The following FMNL2 variants were observed in gnomAD, a reference collection of about 807,000 sequenced individuals.
FMNL2 encodes the protein formin-like protein 2.
In FMNL2, 51 loss-of-function variants were observed where a neutral mutation model predicts 130.2. The ratio of observed to expected loss-of-function variants is 0.39; its 90% CI spans 0.31 to 0.49. The LOEUF is 0.49. Ranked by LOEUF, FMNL2 falls within the 20% of genes least tolerant of loss-of-function variation. The pLI, the probability that FMNL2 is intolerant of heterozygous loss-of-function variation, is 0.85. For missense variants in FMNL2, 977 were observed against 1,316.2 expected (o/e 0.74, Z 3.99); for synonymous variants, 465 against 467.1 (o/e 1.00, Z 0.06).
chr2:152,451,867 G>C (rs1019652129), intron 1 of FMNL2, among the ~76,000 whole-genome samples: 1 of 152,160 alleles, frequency 6.6e-6, no homozygotes, highest in African/African-American at 2.4e-5. Context: ...GCCTAGGCCT[G>C]TGTGGGGTAA....
intron 1 of FMNL2, among the ~76,000 whole-genome samples, chr2:152,471,282 G>T (rs1689846214): frequency 6.6e-6 from 1 of 152,096 alleles, no homozygotes; most frequent in Non-Finnish European, 1.5e-5. Flanking sequence ...AGGTAATTTG[G>T]GACCACGTTT....
intron 1 of FMNL2, among the ~76,000 whole-genome samples, chr2:152,410,402 A>G (rs1686216481): frequency 6.6e-6 from 1 of 152,222 alleles, no homozygotes; most frequent in South Asian, 2.1e-4. Context: ...GGGAAGGACT[A>G]CATTTATTCT....
chr2:152,571,605 A>G (rs1235655891), intron 6 of FMNL2, among the ~76,000 whole-genome samples: 1 of 152,220 alleles, frequency 6.6e-6, no homozygotes, highest in Non-Finnish European at 1.5e-5. Context: ...CATGCCTCCT[A>G]CTGAGTCACT....
intron 1 of FMNL2, among the ~76,000 whole-genome samples, chr2:152,504,553 G>A (rs1692046736): frequency 6.6e-6 from 1 of 152,106 alleles, no homozygotes; most frequent in South Asian, 2.1e-4. Context: ...CCGCAGGGAG[G>A]CTTCTTAAAA....
chr2:152,524,016 T>C (rs1693249638), intron 2 of FMNL2, among the ~76,000 whole-genome samples: 1 of 152,206 alleles, frequency 6.6e-6, no homozygotes, highest in Non-Finnish European at 1.5e-5. Context: ...AGAAGTTTGC[T>C]GTTTCCATAT....
At chr2:152,501,011 G>A (rs1391822965) in intron 1 of FMNL2, among the ~76,000 whole-genome samples, 2 of 152,252 alleles carry the variant, frequency 1.3e-5, no homozygotes, top group African/African-American at 4.8e-5. Flanking sequence ...TGGCAAGGCA[G>A]GCCGGTGCTG....
chr2:152,390,124 A>G, intron 1 of FMNL2: 1 of 1,322,510 alleles, frequency 7.6e-7, no homozygotes. Flanking sequence ...CTGAAGCCCA[A>G]CCTAGGCAAC....
In FMNL2 at chr2:152,582,757, T is replaced by C. The variant is rs189959911; in HGVS notation, c.876+1708T>C. 9.8e-5 allele frequency among the ~76,000 whole-genome samples: 15 copies of C among 152,318 alleles called. No individual in the cohort carries two copies. In the East Asian group the frequency reaches 2.3e-3, roughly 23 times the overall value. ...AGAGAAACAGTATGTGCAGCTCATA[T>C]AACGCCCAAATCTTTATCATTAGGT... On this transcript the variant is annotated intron_variant, in intron 9 of 25. Transcript: ENST00000288670.
chr2:152,558,650 T>G, intron 4 of FMNL2, 90 bp from the exon 5 acceptor site: 1 of 1,205,756 alleles, frequency 8.3e-7, no homozygotes, highest in Non-Finnish European at 1.2e-6. Context: ...AAGTTTCTGG[T>G]GGAAAAAACA....
rs1304218102 is a variant in FMNL2, at chr2:152,560,915, A to T, written c.476A>T (p.Glu159Val). 1.2e-6 allele frequency: 2 copies of T among 1,612,638 alleles called. No homozygotes were observed. The highest frequency in any genetic ancestry group is 1.7e-6 in the Non-Finnish European group (2 of 1,179,436). The change falls in exon 6 of 26, where the codon GAG (glutamate) becomes GTG (valine). Residue 159 changes from glutamate to valine, a missense_variant. Physicochemically the swap from Glu to Val is moderately radical, Grantham distance 121. Around this residue, in one of 4 missense-constraint regions of FMNL2, gnomAD observed 689 missense variants for 995.9 expected, o/e 0.69. Coordinates refer to ENST00000288670, the MANE Select transcript of FMNL2 (RefSeq NM_052905.4). The stretch of plus-strand genomic sequence containing the variant: ...TTTGAAAGTGTGGAGAGTACTGTGG[A>T]GAGCTCGGTGGACAAATCAAAGCCC... ...FDFESVESTV[E>V]SSVDKSKPWS... is the part of the protein sequence containing the mutation.
At chr2:152,626,199 G>A (rs1335762707) in intron 16 of FMNL2, among the ~76,000 whole-genome samples, 1 of 151,988 alleles carries the variant, frequency 6.6e-6, no homozygotes, top group Non-Finnish European at 1.5e-5. Flanking sequence ...ACCATGTCTG[G>A]CTATTCTTTG....
At chr2:152,394,383 G>C (rs1685282862) in intron 1 of FMNL2, among the ~76,000 whole-genome samples, 1 of 152,066 alleles carries the variant, frequency 6.6e-6, no homozygotes, top group African/African-American at 2.4e-5. Flanking sequence ...CTCCTGGTTA[G>C]TACTGGGTTC....
intron 1 of FMNL2, among the ~76,000 whole-genome samples, chr2:152,432,359 G>GAATAATTCA (rs1687541547): frequency 1.3e-5 from 2 of 152,264 alleles, no homozygotes; most frequent in African/African-American, 2.4e-5. Context: ...AAGCAGAGCG[G>GAATAATTCA]AAGCATTGTG....
intron 25 of FMNL2, chr2:152,643,505 TACTA>T: frequency 6.5e-7 from 1 of 1,536,134 alleles, no homozygotes; most frequent in South Asian, 1.2e-5. Context: ...GGAATACCAT[TACTA>T]AACTATTACT....
At chr2:152,551,491 G>A (rs990406376) in intron 4 of FMNL2, among the ~76,000 whole-genome samples, 1 of 152,196 alleles carries the variant, frequency 6.6e-6, no homozygotes, top group Non-Finnish European at 1.5e-5. Flanking sequence ...CTTACGTGAA[G>A]TAAAACCACA....
chr2:152,447,403 A>T (rs1197903471), intron 1 of FMNL2, among the ~76,000 whole-genome samples: 1 of 152,198 alleles, frequency 6.6e-6, no homozygotes, highest in Non-Finnish European at 1.5e-5. Context: ...GTGGTCAGCC[A>T]TCAACTTATT....
At chr2:152,511,559 G>A (rs1318282355) in intron 1 of FMNL2, among the ~76,000 whole-genome samples, 2 of 152,186 alleles carry the variant, frequency 1.3e-5, no homozygotes, top group African/African-American at 2.4e-5. Context: ...TTCAGAAGAC[G>A]TGACCTTAGT....
At chr2:152,610,773 G>A (rs1234072324) in intron 10 of FMNL2, among the ~76,000 whole-genome samples, 5 of 152,268 alleles carry the variant, frequency 3.3e-5, no homozygotes, top group South Asian at 2.1e-4. Context: ...TTATGTGGAC[G>A]TATATTTTCA....
chr2:152,480,714 A>G (rs1690470894), intron 1 of FMNL2, among the ~76,000 whole-genome samples: 1 of 151,910 alleles, frequency 6.6e-6, no homozygotes, highest in South Asian at 2.1e-4. Context: ...TTTGGGGATA[A>G]TGCCCATCTA....
Sources: allele counts gnomAD v4.1 joint callset (sites outside exome capture counted in the v4.1 genomes callset), GRCh38; gene constraint gnomAD v4.1.1; regional missense constraint gnomAD v4.1.1; transcripts MANE v1.5; gene names NCBI Gene and HGNC (gene_info 2026-07-23, HGNC 2026-07-21).